Variants in UBE2F observed in about 807,000 individuals in gnomAD.
UBE2F encodes the protein ubiquitin conjugating enzyme E2 F (putative).
In UBE2F, 5 loss-of-function variants were observed where a neutral mutation model predicts 29.6. That is an observed-to-expected ratio of 0.17 (90% CI 0.09 to 0.36). UBE2F has a LOEUF of 0.36. UBE2F is among the 10% of genes least tolerant of loss of function. The pLI is 1.00. For synonymous variants in UBE2F, 66 were observed against 81.8 expected (o/e 0.81, Z 1.04); for missense variants, 141 against 228.5 (o/e 0.62, Z 2.47).
Position 237,973,033 on chromosome 2 carries a change from G to C in UBE2F, c.-16-59G>C. ...CAAAAGCACTTATACATTTTTCTCA[G>C]TGTCTAATTAGTCTCTGGAGACCTG... On this transcript the variant is annotated intron_variant, in intron 1 of 9. Transcript: ENST00000272930. 4.6e-6 allele frequency: 7 copies of C among 1,516,706 alleles called. No homozygotes were observed. In the South Asian group the frequency reaches 8.8e-5, roughly 19 times the overall value. 94.0% of individuals were successfully genotyped at this position (1,516,706 alleles called of 1,614,324 possible).
At chr2:238,017,413 C>T (rs1198035933) in intron 5 of UBE2F, among the ~76,000 whole-genome samples, 1 of 152,108 alleles carries the variant, frequency 6.6e-6, no homozygotes, top group Admixed American at 6.5e-5. Context: ...TGAGAACTTG[C>T]AACCTGCAGA....
At chr2:237,970,605 GCTT>G (rs1380909824) in intron 1 of UBE2F, among the ~76,000 whole-genome samples, 1 of 152,184 alleles carries the variant, frequency 6.6e-6, no homozygotes, top group Non-Finnish European at 1.5e-5. Context: ...TTAGACCAGT[GCTT>G]CTTAAGGGGT....
chr2:238,036,458 G>T (rs566424665), intron 9 of UBE2F, among the ~76,000 whole-genome samples: 1 of 70,012 alleles, frequency 1.4e-5, no homozygotes, highest in East Asian at 3.4e-4. Flanking sequence ...GGGATTACAG[G>T]CATGAGCTAC....
chr2:237,984,173 C>G (rs1197239423), intron 2 of UBE2F, among the ~76,000 whole-genome samples: 1 of 152,162 alleles, frequency 6.6e-6, no homozygotes, highest in Non-Finnish European at 1.5e-5. Context: ...ACCCCCTCCA[C>G]CCACTCAGAG....
chr2:238,022,458 T>C (rs1240523979), intron 5 of UBE2F, among the ~76,000 whole-genome samples: 1 of 152,224 alleles, frequency 6.6e-6, no homozygotes, highest in African/African-American at 2.4e-5. Flanking sequence ...GTTTTTTAGC[T>C]ATGCTGTAAA....
chr2:238,034,869 C>A (rs542580872), intron 8 of UBE2F, among the ~76,000 whole-genome samples: 1 of 151,944 alleles, frequency 6.6e-6, no homozygotes, highest in East Asian at 1.9e-4. Flanking sequence ...ATCATAAGGA[C>A]AAATTGAGGC....
chr2:238,033,718 G>A (rs1410754026), intron 8 of UBE2F, among the ~76,000 whole-genome samples: 1 of 152,164 alleles, frequency 6.6e-6, no homozygotes, highest in Non-Finnish European at 1.5e-5. Context: ...GAGAAATCAA[G>A]CACTTCCAGT....
At chr2:238,025,611 T>C (rs1459663274) in intron 6 of UBE2F, among the ~76,000 whole-genome samples, 199 bp downstream of exon 6, 1 of 152,170 alleles carries the variant, frequency 6.6e-6, no homozygotes, top group Non-Finnish European at 1.5e-5. Flanking sequence ...GAGTGTCTTC[T>C]CTTGGCCCTC....
At position 237,967,094 on chromosome 2, in the gene UBE2F, TGGGCGC is replaced by T. The variant is rs2063069810; in HGVS notation, c.-54_-49del. On this transcript the variant is annotated 5_prime_UTR_variant, in exon 1 of 10. Coordinates refer to ENST00000272930, the MANE Select transcript of UBE2F (RefSeq NM_080678.3). This position sits in a 1 kb window ranked among gnomAD's most constrained non-coding sequence, Gnocchi z 6.3. ...CAGCCGCCCGGACCGGGCATGGTGTTGGGCGCCGGGCCCGCCTCGCCTGTCTCGGGG... is the reference window on the plus strand; with the variant it reads ...CAGCCGCCCGGACCGGGCATGGTGTTCGGGCCCGCCTCGCCTGTCTCGGGG... 1 of 1,346,670 alleles carries T rather than the reference TGGGCGC, an allele frequency of 7.4e-7. No individual in the cohort carries two copies. The highest frequency in any genetic ancestry group is 1.7e-5 in the South Asian group (1 of 58,072). The allele number at this position is 1,346,670 out of a possible 1,614,324, so 83.4% of individuals were successfully genotyped here.
rs1346297833 is a variant in UBE2F, at chr2:238,018,061, A to G, written c.282+1428A>G. The stretch of plus-strand genomic sequence containing the variant: ...CCAAGAAATTTTTAAATTTGTAGAC[A>G]AAGATGGGAAAATACACATTTCCAG... On this transcript the variant is annotated intron_variant, in intron 5 of 9. Transcript: ENST00000272930. 3.3e-5 allele frequency among the ~76,000 whole-genome samples: 5 copies of G among 152,218 alleles called. No homozygotes were observed. In the East Asian group the frequency reaches 7.7e-4, roughly 23 times the overall value.
At chr2:237,988,902 C>A (rs2063531823) in intron 3 of UBE2F, among the ~76,000 whole-genome samples, 1 of 152,050 alleles carries the variant, frequency 6.6e-6, no homozygotes, top group Non-Finnish European at 1.5e-5. Context: ...TTGTTTCTGC[C>A]CCAGACACAC....
chr2:238,038,504 C>T (rs577065234), intron 9 of UBE2F, among the ~76,000 whole-genome samples: 69 of 152,342 alleles, frequency 4.5e-4, no homozygotes, highest in African/African-American at 1.5e-3. Flanking sequence ...TGTCTGCTGT[C>T]GTTGGCGAGG....
chr2:237,999,031 C>T (rs916911205), intron 4 of UBE2F, among the ~76,000 whole-genome samples: 5 of 152,158 alleles, frequency 3.3e-5, no homozygotes, highest in South Asian at 2.1e-4. Context: ...GACTTTTCTG[C>T]TCATTTTTAA....
chr2:238,029,527 T>C (rs1190142276), intron 6 of UBE2F, among the ~76,000 whole-genome samples: 1 of 147,956 alleles, frequency 6.8e-6, no homozygotes, highest in Non-Finnish European at 1.5e-5. Context: ...ACCGGAGAGG[T>C]GGAGCTTACA....
intron 5 of UBE2F, among the ~76,000 whole-genome samples, chr2:238,023,821 G>A (rs535194723): frequency 1.2e-4 from 19 of 152,278 alleles, no homozygotes; most frequent in African/African-American, 4.1e-4. Context: ...GTTGGCGGGC[G>A]GGGTGTCACA....
At chr2:237,996,419 A>C (rs997981197) in intron 4 of UBE2F, among the ~76,000 whole-genome samples, 2 of 150,182 alleles carry the variant, frequency 1.3e-5, no homozygotes, top group African/African-American at 4.9e-5. Flanking sequence ...CTTTACTGTC[A>C]TGTGATTGGG....
intron 4 of UBE2F, among the ~76,000 whole-genome samples, chr2:238,012,795 T>C (rs1270104849): frequency 1.3e-5 from 2 of 152,166 alleles, no homozygotes; most frequent in Non-Finnish European, 2.9e-5. Flanking sequence ...CCATGGCTGT[T>C]GTTTCTTGGC....
intron 4 of UBE2F, among the ~76,000 whole-genome samples, chr2:238,002,563 A>G (rs1324663655): frequency 6.6e-6 from 1 of 151,436 alleles, no homozygotes; most frequent in Non-Finnish European, 1.5e-5. Flanking sequence ...TGAGCAAAGA[A>G]TTACAGTTGG....
chr2:238,006,928 G>A (rs1258484056), intron 4 of UBE2F, among the ~76,000 whole-genome samples: 1 of 151,798 alleles, frequency 6.6e-6, no homozygotes, highest in East Asian at 1.9e-4. Flanking sequence ...GCTAATTTTT[G>A]TATTTTTAGT....
Sources: gnomAD v4.1 joint callset for allele counts (sites outside exome capture counted in the v4.1 genomes callset) on GRCh38, gnomAD v4.1.1 for gene constraint, Gnocchi (gnomAD v3.1) non-coding constraint, MANE v1.5 for transcripts, NCBI Gene and HGNC (gene_info 2026-07-23, HGNC 2026-07-21) for gene names.